PTCHD4: variants seen among roughly 807,000 people sequenced by gnomAD.
PTCHD4 encodes patched domain-containing protein 4.
Under a neutral mutation model 58.1 loss-of-function variants are expected in PTCHD4, and 33 were observed. The observed-to-expected ratio is 0.57, with a 90% confidence interval of 0.43 to 0.76. The LOEUF is 0.76. PTCHD4 is among the 30% of genes least tolerant of loss of function. PTCHD4 has a pLI of 0.00. For synonymous variants in PTCHD4, 478 were observed against 409.6 expected (o/e 1.17, Z -2.02); for missense variants, 1,058 against 1,027.1 (o/e 1.03, Z -0.41).
At chr6:47,894,717 T>C (rs947518541) in intron 4 of PTCHD4, among the ~76,000 whole-genome samples, 2 of 152,246 alleles carry the variant, frequency 1.3e-5, no homozygotes, top group African/African-American at 4.8e-5. Flanking sequence ...ATGAAGTCAA[T>C]CATGATAACA....
At chr6:47,987,073 A>G (rs1171136148) in intron 4 of PTCHD4, among the ~76,000 whole-genome samples, 1 of 152,208 alleles carries the variant, frequency 6.6e-6, no homozygotes, top group African/African-American at 2.4e-5. Flanking sequence ...AAAAGTTTGC[A>G]TTTGAATATT....
At chr6:47,895,429 T>A (rs985140536) in intron 4 of PTCHD4, among the ~76,000 whole-genome samples, 2 of 152,222 alleles carry the variant, frequency 1.3e-5, no homozygotes, top group African/African-American at 4.8e-5. Flanking sequence ...AATGAGCTGA[T>A]AAAAGCATGT....
intron 4 of PTCHD4, among the ~76,000 whole-genome samples, chr6:47,938,982 G>A (rs1224420210): frequency 6.6e-6 from 1 of 152,114 alleles, no homozygotes; most frequent in Non-Finnish European, 1.5e-5. Flanking sequence ...GAAGGAGTGA[G>A]TTGGAAAGAT....
chr6:47,893,559 C>T (rs1051047269), intron 4 of PTCHD4, among the ~76,000 whole-genome samples: 1 of 152,132 alleles, frequency 6.6e-6, no homozygotes, highest in African/African-American at 2.4e-5. Context: ...TCTTCACTAC[C>T]ATCTATTAGA....
chr6:48,063,804 A>T (rs1006360600), intron 3 of PTCHD4, among the ~76,000 whole-genome samples: 2 of 152,194 alleles, frequency 1.3e-5, no homozygotes, highest in African/African-American at 4.8e-5. Flanking sequence ...TGTATACCTT[A>T]TACGGTTTTA....
chr6:47,905,999 C>T (rs1288577452), intron 4 of PTCHD4, among the ~76,000 whole-genome samples: 1 of 152,222 alleles, frequency 6.6e-6, no homozygotes, highest in Non-Finnish European at 1.5e-5. Flanking sequence ...CATCAATTTT[C>T]CTTCTATCTG....
At chr6:48,014,759 C>A (rs1762809775) in intron 3 of PTCHD4, among the ~76,000 whole-genome samples, 1 of 152,042 alleles carries the variant, frequency 6.6e-6, no homozygotes, top group South Asian at 2.1e-4. Flanking sequence ...TCTTACTTAT[C>A]ACATGATGAA....
In PTCHD4 at chr6:48,056,665, C is replaced by T. The variant is rs1216123718; in HGVS notation, c.417+11565G>A. Among the ~76,000 whole-genome samples, 5 of 152,190 alleles carry T rather than the reference C, an allele frequency of 3.3e-5. No individual in the cohort carries two copies. The South Asian group carries it at 1.0e-3, about 32-fold the overall frequency. On this transcript the variant is annotated intron_variant, in intron 3 of 4. Coordinates refer to ENST00000339488, the MANE Select transcript of PTCHD4 (RefSeq NM_001384253.1). ...TAAATTTCACTTGCTGGCATTCCCA[C>T]TTGAATATGATGGGAGCTCTGGCCC... is the stretch of plus-strand genomic sequence containing the variant.
chr6:47,921,247 G>C (rs891308449), intron 4 of PTCHD4, among the ~76,000 whole-genome samples: 5 of 152,018 alleles, frequency 3.3e-5, no homozygotes, highest in Admixed American at 2.0e-4. Context: ...TATGATAGGA[G>C]AAAGTGCCAT....
intron 4 of PTCHD4, among the ~76,000 whole-genome samples, chr6:47,933,397 G>T (rs890040102): frequency 6.6e-6 from 1 of 152,364 alleles, no homozygotes; most frequent in East Asian, 1.9e-4. Context: ...CCACGAAGAT[G>T]CAGGTAGCTC....
chr6:47,970,355 A>T (rs1428887053), intron 4 of PTCHD4, among the ~76,000 whole-genome samples: 1 of 152,198 alleles, frequency 6.6e-6, no homozygotes, highest in Non-Finnish European at 1.5e-5. Flanking sequence ...GGAGAGTGGT[A>T]ATTGACTAAG....
At chr6:48,048,983 T>C (rs571997655) in intron 3 of PTCHD4, among the ~76,000 whole-genome samples, 5 of 152,110 alleles carry the variant, frequency 3.3e-5, no homozygotes, top group South Asian at 2.1e-4. Flanking sequence ...CTGAAGAAGA[T>C]GATTGACAAC....
chr6:48,022,402 C>A (rs185616353), intron 3 of PTCHD4, among the ~76,000 whole-genome samples: 2 of 151,972 alleles, frequency 1.3e-5, no homozygotes, highest in East Asian at 3.9e-4. Flanking sequence ...TATTTTTAAT[C>A]CCCAAAAGGA....
At chr6:48,007,773 T>C (rs1762505310) in intron 4 of PTCHD4, among the ~76,000 whole-genome samples, 3 of 152,164 alleles carry the variant, frequency 2.0e-5, no homozygotes, top group Admixed American at 1.3e-4. Flanking sequence ...TCACTACACA[T>C]AGGGAATTAC....
chr6:47,962,024 G>C (rs978449668), intron 4 of PTCHD4, among the ~76,000 whole-genome samples: 1 of 151,938 alleles, frequency 6.6e-6, no homozygotes, highest in Non-Finnish European at 1.5e-5. Context: ...ATCTAACCAG[G>C]TTTATTAGGA....
chr6:48,037,563 C>G (rs1488584851), intron 3 of PTCHD4, among the ~76,000 whole-genome samples: 16 of 152,126 alleles, frequency 1.1e-4, no homozygotes, highest in Non-Finnish European at 1.6e-4. Flanking sequence ...TAGGCTTAGT[C>G]AGACATGCAC....
At chr6:48,021,374 T>G (rs987777562) in intron 3 of PTCHD4, among the ~76,000 whole-genome samples, 1 of 152,100 alleles carries the variant, frequency 6.6e-6, no homozygotes, top group Admixed American at 6.5e-5. Context: ...GGTGTTTTCT[T>G]TTCAAAGAAA....
At chr6:48,038,603 GC>G (rs1763732234) in intron 3 of PTCHD4, among the ~76,000 whole-genome samples, 1 of 147,944 alleles carries the variant, frequency 6.8e-6, no homozygotes, top group Non-Finnish European at 1.5e-5. Flanking sequence ...TCATGGCACT[GC>G]ATTTGAGCCA....
chr6:47,909,017 G>A (rs1451259339), intron 4 of PTCHD4, among the ~76,000 whole-genome samples: 1 of 152,102 alleles, frequency 6.6e-6, no homozygotes, highest in Middle Eastern at 3.2e-3. Flanking sequence ...CTACTTAGCA[G>A]GTTGCCAGGT....
Sources: allele counts gnomAD v4.1 joint callset (sites outside exome capture counted in the v4.1 genomes callset), GRCh38; gene constraint gnomAD v4.1.1; transcripts MANE v1.5; gene names NCBI Gene and HGNC (gene_info 2026-07-23, HGNC 2026-07-21).